The following SMG1 variants were observed in gnomAD, a reference collection of about 807,000 sequenced individuals.
SMG1 encodes serine/threonine-protein kinase SMG1.
In SMG1, 22 loss-of-function variants were observed where a neutral mutation model predicts 419.9. The observed-to-expected ratio is 0.05, with a 90% confidence interval of 0.04 to 0.07. SMG1 has a LOEUF of 0.07. Among genes scored for constraint, SMG1 ranks in the 10% least tolerant of loss-of-function variants. The pLI, the probability that SMG1 is intolerant of heterozygous loss-of-function variation, is 1.00. For synonymous variants in SMG1, 1,538 were observed against 1,553.5 expected (o/e 0.99, Z 0.23); for missense variants, 3,185 against 4,342.0 (o/e 0.73, Z 7.49).
intron 15 of SMG1, 67 bp from the exon 16 acceptor site, chr16:18,871,549 T>C: frequency 2.9e-6 from 2 of 684,980 alleles, no homozygotes. Context: ...ATTAAAAGCC[T>C]AGTCTTCTTA....
rs564238792 is a variant in SMG1 at position 18,858,012 on chromosome 16, G to C, written c.4234+158C>G. ...CAAGGGAACCTTCTGGGGTAAGACG[G>C]TGTTCTGTATCTCGATCGTATTGGT... On this transcript the variant is annotated intron_variant, in intron 29 of 62. Transcript: ENST00000446231. 393 of 526,368 alleles carry C rather than the reference G, an allele frequency of 7.5e-4. 3 individuals carry two copies. In the Middle Eastern group the frequency reaches 9.2e-3, roughly 12 times the overall value. The allele number at this position is 526,368 out of a possible 1,614,324, so 32.6% of individuals were successfully genotyped here.
intron 62 of SMG1, among the ~76,000 whole-genome samples, chr16:18,811,420 C>G (rs1417903731): frequency 6.6e-6 from 1 of 152,166 alleles, no homozygotes; most frequent in African/African-American, 2.4e-5. Context: ...GGATGCTCCA[C>G]TCATACTACA....
intron 50 of SMG1, among the ~76,000 whole-genome samples, chr16:18,833,410 A>C (rs2033342013): frequency 6.6e-6 from 1 of 152,168 alleles, no homozygotes; most frequent in Non-Finnish European, 1.5e-5. Flanking sequence ...TTGTCATATA[A>C]TTAAACATTC....
chr16:18,924,096 T>C (rs918175043), intron 1 of SMG1, among the ~76,000 whole-genome samples: 8 of 152,196 alleles, frequency 5.3e-5, no homozygotes, highest in Non-Finnish European at 8.8e-5. Flanking sequence ...AGGCGTTACA[T>C]CCTGAAACTT....
rs372246341 is a variant in SMG1 at position 18,833,003 on chromosome 16, T to C, written c.8729A>G (p.Tyr2910Cys). 3 of 1,613,968 alleles carry C rather than the reference T, an allele frequency of 1.9e-6. No individual in the cohort carries two copies. Among genetic ancestry groups the C allele is most frequent in the African/African-American group, 1.3e-5 (1 of 75,044 alleles). Reference sequence around the variant, plus strand: ...CAGTCCCATAGCTGCGTTTCTTAAGTAGGCCTGAAGAGATTCCACTAGAGT... The same window carrying C: ...CAGTCCCATAGCTGCGTTTCTTAAGCAGGCCTGAAGAGATTCCACTAGAGT... ...LQTLVESLQA[Y>C]LRNAAMGLEE... is the part of the protein sequence containing the mutation. Residue 2910 changes from tyrosine to cysteine, a missense_variant, in exon 51 of 63, where the codon TAC becomes TGC. Physicochemically the swap from Tyr to Cys is radical, Grantham distance 194. Around this residue, in one of 27 missense-constraint regions of SMG1, gnomAD observed 737 missense variants for 846.6 expected, o/e 0.87. Coordinates refer to ENST00000446231, the MANE Select transcript of SMG1 (RefSeq NM_015092.5).
At chr16:18,814,478 G>T (rs748485316) in intron 60 of SMG1, among the ~76,000 whole-genome samples, 1 of 151,874 alleles carries the variant, frequency 6.6e-6, no homozygotes, top group African/African-American at 2.4e-5. Flanking sequence ...CAGCCTGGGC[G>T]ACAAGAGACA....
chr16:18,900,136 C>T (rs567224206), intron 1 of SMG1: 4 of 669,106 alleles, frequency 6.0e-6, no homozygotes, highest in Non-Finnish European at 1.0e-5. Context: ...GAGTTAGGTG[C>T]CTTTAGTTGA....
Position 18,830,089 on chromosome 16 carries a change from A to C in SMG1, c.8970T>G (p.Ala2990=), listed in dbSNP as rs1482927805. The C allele has an allele frequency of 2.1e-5, 33 of 1,603,066 alleles. No homozygotes were observed. The highest frequency in any genetic ancestry group is 2.7e-5 in the Non-Finnish European group (32 of 1,174,910). Residue 2990 remains alanine (A), a synonymous_variant, in exon 53 of 63, where the codon GCT becomes GCG. Coordinates refer to ENST00000446231, the MANE Select transcript of SMG1 (RefSeq NM_015092.5). The part of the protein sequence containing the change: ...EKLNKMEIPI[A]WRKIDIIREA... The stretch of plus-strand genomic sequence containing the variant: ...CCCTTATGATGTCAATCTTTCGCCA[A>C]GCTATGGGAATTTCCATCTTGTTCA...
Position 18,849,269 on chromosome 16 carries a change from C to T in SMG1, c.5571G>A (p.Leu1857=), listed in dbSNP as rs374359346. 14 of 1,613,416 alleles carry T rather than the reference C, an allele frequency of 8.7e-6. No homozygotes were observed. The highest frequency in any genetic ancestry group is 1.2e-5 in the Non-Finnish European group (14 of 1,179,710). ...ATATGGTACCCACTATTGCAGGATA[C>T]AATATGAGATGTGGGGAATCTTGAG... is the stretch of plus-strand genomic sequence containing the variant. The part of the protein sequence containing the change: ...RVAQDSPHLI[L]YPAIVGTISL... Residue 1857 remains leucine, a synonymous_variant, in exon 36 of 63, where the codon TTG becomes TTA. Transcript: ENST00000446231.
intron 1 of SMG1, among the ~76,000 whole-genome samples, chr16:18,905,120 G>A: frequency 6.6e-6 from 1 of 152,004 alleles, no homozygotes; most frequent in Non-Finnish European, 1.5e-5. Context: ...AATTAGCCGG[G>A]TATGGTGGTG....
intron 8 of SMG1, chr16:18,884,608 G>A (rs758668354): frequency 1.2e-5 from 2 of 170,320 alleles, no homozygotes; most frequent in African/African-American, 2.4e-5. Flanking sequence ...TGTAAGTTAC[G>A]AGAAACTATG....
At chr16:18,848,603 G>A (rs537967414) in intron 36 of SMG1, among the ~76,000 whole-genome samples, 1 of 151,912 alleles carries the variant, frequency 6.6e-6, no homozygotes, top group African/African-American at 2.4e-5. Context: ...ACTGCTCCTG[G>A]CCAAAAATTG....
chr16:18,903,261 G>A (rs2037418657), intron 1 of SMG1, among the ~76,000 whole-genome samples: 1 of 152,156 alleles, frequency 6.6e-6, no homozygotes, highest in Non-Finnish European at 1.5e-5. Flanking sequence ...AGGAGCAAAC[G>A]AAGCCAGTAA....
chr16:18,924,316 G>A (rs1596675592), intron 1 of SMG1, among the ~76,000 whole-genome samples: 1 of 152,194 alleles, frequency 6.6e-6, no homozygotes, highest in Non-Finnish European at 1.5e-5. Flanking sequence ...GCCCTAGCAC[G>A]TGGCTGCGAC....
chr16:18,815,668 A>G lies in SMG1; in HGVS notation c.10303-17T>C. ...TTCTTCATCCTAGAATTGATAAATT[A>G]ATGATTAAGAAAAATAGTTTTAGTA... On this transcript the variant is annotated splice_polypyrimidine_tract_variant and intron_variant, in intron 58 of 62. Transcript: ENST00000446231. 1.2e-6 allele frequency: 2 copies of G among 1,601,460 alleles called. No homozygotes were observed. The highest frequency in any genetic ancestry group is 1.7e-6 in the Non-Finnish European group (2 of 1,170,712).
At chr16:18,849,908 T>A (rs2034494438) in intron 35 of SMG1, 41 bp downstream of exon 35, 2 of 1,580,440 alleles carry the variant, frequency 1.3e-6, no homozygotes, top group Non-Finnish European at 1.7e-6. Context: ...TATATCCTAG[T>A]GAGAAACTAT....
At chr16:18,831,364 G>C (rs1447623174) in intron 51 of SMG1, among the ~76,000 whole-genome samples, 2 of 152,092 alleles carry the variant, frequency 1.3e-5, no homozygotes, top group Admixed American at 1.3e-4. Flanking sequence ...GGCACAGACA[G>C]GCTGCCATAG....
At chr16:18,901,981 G>T (rs1448827501) in intron 1 of SMG1, among the ~76,000 whole-genome samples, 1 of 150,016 alleles carries the variant, frequency 6.7e-6, no homozygotes, top group South Asian at 2.1e-4. Flanking sequence ...GGGGGAAGGT[G>T]TCCTTGTTCA....
chr16:18,841,478 A>C, intron 41 of SMG1, 87 bp downstream of exon 41: 1 of 1,244,368 alleles, frequency 8.0e-7, no homozygotes, highest in Admixed American at 1.9e-5. Flanking sequence ...CTGCTTATAA[A>C]CATGCAAAAA....
Sources: gnomAD v4.1 joint callset for allele counts (sites outside exome capture counted in the v4.1 genomes callset) on GRCh38, gnomAD v4.1.1 for gene constraint, gnomAD v4.1.1 regional missense constraint, MANE v1.5 for transcripts, NCBI Gene and HGNC (gene_info 2026-07-23, HGNC 2026-07-21) for gene names.